The following PPP2R2C variants were observed in gnomAD, a reference collection of about 807,000 sequenced individuals.
The protein encoded by PPP2R2C is protein phosphatase 2 regulatory subunit Bgamma, also known as protein phosphatase 2, regulatory subunit B, gamma.
In PPP2R2C, 10 loss-of-function variants were observed where a neutral mutation model predicts 45.3. The observed-to-expected ratio is 0.22, with a 90% CI of 0.14 to 0.37. The LOEUF (loss-of-function observed/expected upper bound fraction) is 0.37. Ranked by LOEUF, PPP2R2C falls within the 10% of genes least tolerant of loss-of-function variation. The pLI, the probability that PPP2R2C is intolerant of heterozygous loss-of-function variation, is 1.00. For missense variants in PPP2R2C, 308 were observed against 619.7 expected, an observed-to-expected ratio of 0.50 and a Z score of 5.34; for synonymous variants, 257 against 245.4, an observed-to-expected ratio of 1.05 and a Z score of -0.44.
chr4:6,470,808 G>T (rs904310567), intron 1 of PPP2R2C, among the ~76,000 whole-genome samples: 2 of 152,046 alleles, frequency 1.3e-5, no homozygotes, highest in African/African-American at 4.8e-5. Flanking sequence ...GGCCCGGGCA[G>T]CCCTGCCCCT....
At chr4:6,464,366 C>T (rs954799672) in intron 1 of PPP2R2C, among the ~76,000 whole-genome samples, 3 of 152,178 alleles carry the variant, frequency 2.0e-5, no homozygotes, top group East Asian at 1.9e-4. Flanking sequence ...GAGGGATGTA[C>T]AGACTCCTCC....
chr4:6,500,762 G>T (rs1310600844), intron 2 of PPP2R2C, among the ~76,000 whole-genome samples: 1 of 152,252 alleles, frequency 6.6e-6, no homozygotes, highest in Non-Finnish European at 1.5e-5. Flanking sequence ...CCCTGTAGGT[G>T]CCCCAGGATT....
chr4:6,434,178 C>T (rs1272195237), intron 1 of PPP2R2C, among the ~76,000 whole-genome samples: 3 of 152,178 alleles, frequency 2.0e-5, no homozygotes, highest in Admixed American at 6.5e-5. Flanking sequence ...CATTCTACAT[C>T]AGCGCACCCT....
intron 1 of PPP2R2C, among the ~76,000 whole-genome samples, chr4:6,398,368 G>T (rs1193395776): frequency 6.6e-6 from 1 of 152,116 alleles, no homozygotes; most frequent in Non-Finnish European, 1.5e-5. Flanking sequence ...TAAACCTCTT[G>T]TAGCCCGGAT....
At chr4:6,418,214 C>T (rs988926776) in intron 1 of PPP2R2C, among the ~76,000 whole-genome samples, 6 of 152,106 alleles carry the variant, frequency 3.9e-5, no homozygotes, top group South Asian at 2.1e-4. Context: ...TTGACTAAAA[C>T]GTGGGGCTCA....
chr4:6,427,821 G>A (rs1428510316), intron 1 of PPP2R2C, among the ~76,000 whole-genome samples: 1 of 152,194 alleles, frequency 6.6e-6, no homozygotes, highest in Non-Finnish European at 1.5e-5. Flanking sequence ...TAACACACAT[G>A]AGGTGTAGAG....
chr4:6,396,784 G>A (rs893383285), intron 1 of PPP2R2C, among the ~76,000 whole-genome samples: 1 of 152,260 alleles, frequency 6.6e-6, no homozygotes, highest in East Asian at 1.9e-4. Flanking sequence ...GGCTGGGAGG[G>A]GGTAGAGAGA....
chr4:6,486,663 A>G (rs1270777397), intron 2 of PPP2R2C, among the ~76,000 whole-genome samples: 8 of 152,064 alleles, frequency 5.3e-5, no homozygotes, highest in Non-Finnish European at 5.9e-5. Context: ...TAATATAGCC[A>G]CTGCAGCTTT....
In PPP2R2C at chr4:6,378,636, C is replaced by T. The variant is rs1035664996; in HGVS notation, c.169-64G>A. Reference sequence around the variant, plus strand: ...CCTGCAGGGCGACGGCTAGGACCTCCGGGGACCCAGCAGGGCCGGCCGTGG... The same window carrying T: ...CCTGCAGGGCGACGGCTAGGACCTCTGGGGACCCAGCAGGGCCGGCCGTGG... On this transcript the variant is annotated intron_variant, in intron 2 of 8. Transcript: ENST00000382599. The surrounding 1 kb of genome is among the most constrained non-coding windows in gnomAD (Gnocchi z 5.2). The T allele has an allele frequency of 1.1e-5, 17 of 1,541,628 alleles. No homozygotes were observed. The highest frequency in any genetic ancestry group is 2.3e-5 in the East Asian group (1 of 44,142).
chr4:6,507,872 A>C (rs1723291140), intron 2 of PPP2R2C, among the ~76,000 whole-genome samples: 1 of 152,218 alleles, frequency 6.6e-6, no homozygotes, highest in Non-Finnish European at 1.5e-5. Flanking sequence ...TAATTTCCTC[A>C]TCTATGAAAT....
intron 2 of PPP2R2C, among the ~76,000 whole-genome samples, chr4:6,520,599 A>T (rs1050596002): frequency 2.6e-5 from 4 of 152,200 alleles, no homozygotes; most frequent in African/African-American, 9.6e-5. Flanking sequence ...TGTGTGATTC[A>T]AGTCCAAGGG....
intron 5 of PPP2R2C, chr4:6,349,357 C>T: frequency 1.0e-6 from 1 of 975,344 alleles, no homozygotes; most frequent in African/African-American, 1.8e-5. Context: ...CCTCAGCTTC[C>T]TCATCTGTAA....
rs71173440 is a variant in PPP2R2C, at chr4:6,414,076, A to ATGTGTGTGTGTG, written c.71-32994_71-32983dup. On this transcript the variant is annotated intron_variant, in intron 1 of 8. Transcript: ENST00000382599. ...ACAGTAACATAAGTTTTGCCTGTGT[A>ATGTGTGTGTGTG]TGTGTGTGTGTGTGTGTGTGTGTGT... The ATGTGTGTGTGTG allele has an allele frequency of 2.8e-4, 250 of 882,340 alleles. 2 individuals carry two copies. Among genetic ancestry groups the ATGTGTGTGTGTG allele is most frequent in the Admixed American group, 8.0e-4 (22 of 27,462 alleles). The allele number at this position is 882,340 out of a possible 1,614,324, so 54.7% of individuals were successfully genotyped here.
intron 1 of PPP2R2C, among the ~76,000 whole-genome samples, chr4:6,401,305 G>A (rs1214782182): frequency 6.6e-6 from 1 of 152,050 alleles, no homozygotes; most frequent in African/African-American, 2.4e-5. Context: ...TAGAAGCTCT[G>A]GCCAATACCT....
chr4:6,403,539 G>A (rs1044222164), intron 1 of PPP2R2C, among the ~76,000 whole-genome samples: 1 of 152,330 alleles, frequency 6.6e-6, no homozygotes, highest in African/African-American at 2.4e-5. Context: ...CTGGGAGCAC[G>A]CTGGCAGAGG....
Position 6,349,522 on chromosome 4 carries a change from C to T in PPP2R2C, c.626-1512G>A, listed in dbSNP as rs548035821. ...AAATACTGACTGAAACTCTGAAATC[C>T]ATCTGCCCTCCCTCTTCCTCCACCC... On this transcript the variant is annotated intron_variant, in intron 5 of 8. Coordinates refer to ENST00000382599, the MANE Select transcript of PPP2R2C (RefSeq NM_020416.4). 7.8e-5 allele frequency: 77 copies of T among 985,396 alleles called. 1 individual carries two copies. The South Asian group carries it at 3.2e-3, about 41-fold the overall frequency. 61.0% of individuals were successfully genotyped at this position (985,396 alleles called of 1,614,324 possible).
intron 1 of PPP2R2C, among the ~76,000 whole-genome samples, chr4:6,556,091 T>G (rs545050016): frequency 1.6e-4 from 25 of 152,268 alleles, no homozygotes; most frequent in Admixed American, 1.2e-3. Flanking sequence ...AGGATGCCTC[T>G]GGGGAGCATC....
intron 5 of PPP2R2C, among the ~76,000 whole-genome samples, chr4:6,367,606 C>T (rs1053233338): frequency 1.3e-5 from 2 of 152,216 alleles, no homozygotes; most frequent in Admixed American, 1.3e-4. Context: ...CTGGCCTCCT[C>T]CCATGTCAGA....
At chr4:6,470,613 C>G (rs1436542770) in intron 1 of PPP2R2C, among the ~76,000 whole-genome samples, 1 of 152,188 alleles carries the variant, frequency 6.6e-6, no homozygotes. Context: ...GCCAGGCCAC[C>G]GAGGCACGGG....
Sources: allele counts gnomAD v4.1 joint callset (sites outside exome capture counted in the v4.1 genomes callset), GRCh38; gene constraint gnomAD v4.1.1; non-coding constraint Gnocchi (gnomAD v3.1); transcripts MANE v1.5; gene names NCBI Gene and HGNC (gene_info 2026-07-23, HGNC 2026-07-21).